SPATA4: variants seen among roughly 807,000 people sequenced by gnomAD.
SPATA4 encodes the protein spermatogenesis associated 4.
In SPATA4, 35 loss-of-function variants were observed where a neutral mutation model predicts 31.8. The observed-to-expected ratio is 1.10, with a 90% confidence interval of 0.84 to 1.46. SPATA4 has a LOEUF of 1.46. SPATA4 is among the 40% of genes most tolerant of loss of function. The pLI is 0.00. For synonymous variants in SPATA4, 126 were observed against 132.4 expected, an observed-to-expected ratio of 0.95 and a Z score of 0.33; for missense variants, 394 against 363.1, an observed-to-expected ratio of 1.09 and a Z score of -0.69.
In SPATA4 at chr4:176,195,334, T is replaced by C. The variant is rs778954977; in HGVS notation, c.218+11A>G. ...CCACCGGGGGGGCCTAGGACTGGCT[T>C]ACTCAAGCACCTGTTGATGTTCCTG... On this transcript the variant is annotated intron_variant, in intron 1 of 5. Transcript: ENST00000280191. The C allele has an allele frequency of 6.2e-7, 1 of 1,613,774 alleles. No homozygotes were observed. Among genetic ancestry groups the C allele is most frequent in the South Asian group, 1.1e-5 (1 of 91,064 alleles).
chr4:176,190,307 A>T (rs1752508354), intron 4 of SPATA4, among the ~76,000 whole-genome samples: 1 of 152,162 alleles, frequency 6.6e-6, no homozygotes, highest in South Asian at 2.1e-4. Flanking sequence ...TTTAAACTTT[A>T]AAAGGTTTCA....
chr4:176,188,797 C>G (rs1752484575), intron 4 of SPATA4, among the ~76,000 whole-genome samples: 1 of 152,160 alleles, frequency 6.6e-6, no homozygotes, highest in African/African-American at 2.4e-5. Context: ...AACTGAAATA[C>G]TTGAGCAATT....
At chr4:176,189,690 T>C (rs73005183) in intron 4 of SPATA4, among the ~76,000 whole-genome samples, 2,397 of 152,176 alleles carry the variant, frequency 0.016, 69 homozygotes, top group African/African-American at 0.055. Flanking sequence ...AACAGACCCA[T>C]ACATACATGC....
Position 176,188,171 on chromosome 4 carries a change from A to G in SPATA4, c.753T>C (p.Ser251=). Residue 251 remains serine (S), a synonymous_variant, in exon 5 of 6, where the codon TCT becomes TCC. Coordinates refer to ENST00000280191, the MANE Select transcript of SPATA4 (RefSeq NM_144644.4). Reference sequence around the variant, plus strand: ...TAACTTTTAAATTATATCTGCGCCCAGAGGCTTGGGCAGGAAGGTGATTGA... The same window carrying G: ...TAACTTTTAAATTATATCTGCGCCCGGAGGCTTGGGCAGGAAGGTGATTGA... The part of the protein sequence containing the change: ...VTLNHLPAQA[S]GRRYNLKVKR... The G allele has an allele frequency of 6.2e-7, 1 of 1,613,788 alleles. No homozygotes were observed. The highest frequency in any genetic ancestry group is 8.5e-7 in the Non-Finnish European group (1 of 1,179,904).
intron 4 of SPATA4, among the ~76,000 whole-genome samples, chr4:176,189,108 G>A (rs1752488963): frequency 6.6e-6 from 1 of 152,202 alleles, no homozygotes; most frequent in African/African-American, 2.4e-5. Flanking sequence ...CAGAGATACA[G>A]GTTAGTTTTC....
At chr4:176,192,924 A>G (rs189855893) in intron 3 of SPATA4, 34 bp downstream of exon 3, 14 of 1,580,960 alleles carry the variant, frequency 8.9e-6, no homozygotes, top group Non-Finnish European at 1.2e-5. Flanking sequence ...GTTTCACATT[A>G]AATTGTGTTA....
At chr4:176,189,732 G>A (rs925042081) in intron 4 of SPATA4, among the ~76,000 whole-genome samples, 25 of 152,156 alleles carry the variant, frequency 1.6e-4, no homozygotes, top group Admixed American at 1.2e-3. Flanking sequence ...TTACAAATAA[G>A]TGGGAAAAGA....
At chr4:176,187,658 G>A (rs1211777605) in intron 5 of SPATA4, among the ~76,000 whole-genome samples, 1 of 152,106 alleles carries the variant, frequency 6.6e-6, no homozygotes, top group African/African-American at 2.4e-5. Flanking sequence ...ACAAAAACAG[G>A]CAACAGGCTG....
At chr4:176,187,317 T>G (rs1305656167) in intron 5 of SPATA4, among the ~76,000 whole-genome samples, 4 of 151,506 alleles carry the variant, frequency 2.6e-5, no homozygotes, top group African/African-American at 9.7e-5. Context: ...CAGGAATTAC[T>G]ATTTTTCTTT....
At chr4:176,190,303 C>T (rs1752508283) in intron 4 of SPATA4, among the ~76,000 whole-genome samples, 1 of 152,116 alleles carries the variant, frequency 6.6e-6, no homozygotes, top group Non-Finnish European at 1.5e-5. Flanking sequence ...TCAATTTAAA[C>T]TTTAAAAGGT....
rs760167850 is a variant in SPATA4 at position 176,193,517 on chromosome 4, A to G, written c.284T>C (p.Leu95Ser). ...FCIYYPWELE[L>S]SSFENGTSLK... Reference sequence around the variant, plus strand: ...AGAGGTCCCGTTTTCAAAGGATGATAATTCAAGTTCCCAGGGGTAATATAT... The same window carrying G: ...AGAGGTCCCGTTTTCAAAGGATGATGATTCAAGTTCCCAGGGGTAATATAT... Residue 95 changes from leucine to serine, a missense_variant, in exon 2 of 6, where the codon TTA becomes TCA. By Grantham distance (145) the Leu-to-Ser change is moderately radical. Coordinates refer to ENST00000280191, the MANE Select transcript of SPATA4 (RefSeq NM_144644.4). The G allele has an allele frequency of 6.0e-5, 97 of 1,613,690 alleles. No individual in the cohort carries two copies. The highest frequency in any genetic ancestry group is 8.1e-5 in the Non-Finnish European group (96 of 1,179,946).
intron 1 of SPATA4, 76 bp from the exon 2 acceptor site, chr4:176,193,658 G>C: frequency 7.3e-7 from 1 of 1,361,642 alleles, no homozygotes; most frequent in South Asian, 1.5e-5. Flanking sequence ...ATTAATACTA[G>C]TCTAATATTC....
rs747313337 is a variant in SPATA4, at chr4:176,184,896, G to C, written c.806-4C>G. 6.4e-7 allele frequency: 1 copy of C among 1,551,164 alleles called. No homozygotes were observed. The highest frequency in any genetic ancestry group is 8.8e-7 in the Non-Finnish European group (1 of 1,142,598). On this transcript the variant is annotated splice_region_variant and splice_polypyrimidine_tract_variant and intron_variant, in intron 5 of 5. Transcript: ENST00000280191. ...CTGCCACCACTACCTATATTTGCTG[G>C]GACATTTAAATAAGCAAAATTAAAA...
At chr4:176,185,740 T>C (rs569317057) in intron 5 of SPATA4, among the ~76,000 whole-genome samples, 1 of 152,328 alleles carries the variant, frequency 6.6e-6, no homozygotes, top group South Asian at 2.1e-4. Context: ...TTACCAAAGC[T>C]GAATCCACAT....
chr4:176,187,216 G>A (rs905929652), intron 5 of SPATA4, among the ~76,000 whole-genome samples: 3 of 152,122 alleles, frequency 2.0e-5, no homozygotes, highest in Admixed American at 6.6e-5. Context: ...GGTCAAAGCA[G>A]CCGTAAGCAA....
rs1340072570 is a variant in SPATA4 at position 176,184,827 on chromosome 4, A to G, written c.871T>C (p.Tyr291His). 2 of 1,604,520 alleles carry G rather than the reference A, an allele frequency of 1.2e-6. No individual in the cohort carries two copies. Among genetic ancestry groups the G allele is most frequent in the East Asian group, 2.3e-5 (1 of 44,338 alleles). Residue 291 changes from tyrosine to histidine, a missense_variant, in exon 6 of 6, where the codon TAT (tyrosine) becomes CAT (histidine). Coordinates refer to ENST00000280191, the MANE Select transcript of SPATA4 (RefSeq NM_144644.4). ...IHVKQAGQHS[Y>H]YSAMKPIRNM... Reference sequence around the variant, plus strand: ...CTGATAGGTTTCATAGCAGAGTAATAAGAATGTTGTCCAGCTTGCTTCACA... The same window carrying G: ...CTGATAGGTTTCATAGCAGAGTAATGAGAATGTTGTCCAGCTTGCTTCACA...
At chr4:176,192,135 C>T (rs1216026923) in intron 4 of SPATA4, among the ~76,000 whole-genome samples, 2 of 152,180 alleles carry the variant, frequency 1.3e-5, no homozygotes, top group African/African-American at 2.4e-5. Context: ...TGTTTGGGTA[C>T]TTAGAGAATG....
Position 176,192,637 on chromosome 4 carries a change from T to G in SPATA4, c.678A>C (p.Lys226Asn). Residue 226 changes from lysine to asparagine, a missense_variant, in exon 4 of 6, where the codon AAA becomes AAC. By Grantham distance (94) the Lys-to-Asn change is moderately conservative. Transcript: ENST00000280191. The stretch of plus-strand genomic sequence containing the variant: ...CAAAGGAAAACTTACCTGGATTCAA[T>G]TTTCTGCCTAATTTTCTTTGCAACA... ...LHMLQRKLGR[K>N]LNPEWFDVKP... 6.2e-7 allele frequency: 1 copy of G among 1,613,950 alleles called. No individual in the cohort carries two copies. The highest frequency in any genetic ancestry group is 8.5e-7 in the Non-Finnish European group (1 of 1,179,890).
rs1871948 is a variant in SPATA4 at position 176,189,718 on chromosome 4, G to A, written c.689-1483C>T. ...ATACATGCAAACTGAAACATGAGAG[G>A]GCATTACAAATAAGTGGGAAAAGAA... On this transcript the variant is annotated intron_variant, in intron 4 of 5. Transcript: ENST00000280191. Among the ~76,000 whole-genome samples the A allele has an allele frequency of 3.4e-3, 512 of 152,200 alleles. 3 individuals carry two copies. Among genetic ancestry groups the A allele is most frequent in the African/African-American group, 0.012 (499 of 41,530 alleles).
Sources: gnomAD v4.1 joint callset for allele counts (sites outside exome capture counted in the v4.1 genomes callset) on GRCh38, gnomAD v4.1.1 for gene constraint, MANE v1.5 for transcripts, NCBI Gene and HGNC (gene_info 2026-07-23, HGNC 2026-07-21) for gene names.